Variants in TBL1X observed in about 807,000 individuals in gnomAD.
TBL1X encodes F-box-like/WD repeat-containing protein TBL1X.
In TBL1X, 10 loss-of-function variants were observed where a neutral mutation model predicts 50.7. That is an observed-to-expected ratio of 0.20 (90% CI 0.12 to 0.33). TBL1X has a LOEUF of 0.33. Ranked by LOEUF, TBL1X falls within the 10% of genes least tolerant of loss-of-function variation. The pLI is 1.00. For missense variants in TBL1X, 340 were observed against 504.4 expected, an observed-to-expected ratio of 0.67 and a Z score of 3.12; for synonymous variants, 190 against 214.7, an observed-to-expected ratio of 0.88 and a Z score of 1.01.
chrX:9,683,952 A>G (rs751210260), intron 5 of TBL1X, 91 bp from the exon 6 acceptor site: 6 of 1,164,128 alleles, frequency 5.2e-6, no homozygotes, highest in Non-Finnish European at 7.0e-6. Context: ...AGTGTGTTTG[A>G]AGTCTGCGGG....
intron 3 of TBL1X, among the ~76,000 whole-genome samples, chrX:9,650,424 T>G (rs1034470111): frequency 5.4e-5 from 6 of 111,963 alleles, no homozygotes; most frequent in African/African-American, 1.6e-4. Context: ...CTGGGGTGTT[T>G]GCCAGGTCCT....
chrX:9,631,348 G>A (rs754684803), intron 2 of TBL1X, among the ~76,000 whole-genome samples: 1 of 111,556 alleles, frequency 9.0e-6, no homozygotes, highest in Admixed American at 9.5e-5. Flanking sequence ...CAGCCTTTTC[G>A]CTGGAGTGGT....
chrX:9,468,197 T>G (rs1181433188), intron 1 of TBL1X, among the ~76,000 whole-genome samples: 1 of 111,692 alleles, frequency 9.0e-6, no homozygotes, highest in Non-Finnish European at 1.9e-5. Flanking sequence ...ATCAGAGAGA[T>G]TTGAGATGGG....
At chrX:9,600,672 G>A (rs149259897) in intron 2 of TBL1X, among the ~76,000 whole-genome samples, 1,220 of 111,263 alleles carry the variant, frequency 0.011, 21 homozygotes, top group African/African-American at 0.037. Context: ...TGCTTTTCCC[G>A]AGGCCCGGGG....
intron 2 of TBL1X, among the ~76,000 whole-genome samples, chrX:9,566,024 T>C (rs1414861734): frequency 8.9e-6 from 1 of 112,270 alleles, no homozygotes; most frequent in East Asian, 2.8e-4. Flanking sequence ...ATTTTGTACA[T>C]GTATTACTTT....
intron 1 of TBL1X, among the ~76,000 whole-genome samples, chrX:9,488,607 A>G (rs185186751): frequency 5.4e-4 from 61 of 112,019 alleles, no homozygotes; most frequent in African/African-American, 1.8e-3. Context: ...ATAAGGAAAC[A>G]TATTCTCAGG....
chrX:9,616,786 G>A (rs2082641411), intron 2 of TBL1X, among the ~76,000 whole-genome samples: 2 of 111,719 alleles, frequency 1.8e-5, no homozygotes, highest in South Asian at 7.6e-4. Flanking sequence ...TGTTTCCTCA[G>A]TGTATGGGTT....
chrX:9,489,023 T>G (rs2081928201), intron 1 of TBL1X, among the ~76,000 whole-genome samples: 1 of 111,203 alleles, frequency 9.0e-6, no homozygotes, highest in Admixed American at 9.6e-5. Flanking sequence ...AGGATTTGCT[T>G]TCCATTTTGG....
At chrX:9,661,138 A>G (rs2067432865) in intron 5 of TBL1X, among the ~76,000 whole-genome samples, 1 of 112,738 alleles carries the variant, frequency 8.9e-6, no homozygotes, top group Admixed American at 9.3e-5. Context: ...GCCCGAACAG[A>G]GTAAGATAAT....
At chrX:9,699,624 C>T (rs1426671907) in intron 12 of TBL1X, among the ~76,000 whole-genome samples, 1 of 111,551 alleles carries the variant, frequency 9.0e-6, no homozygotes, top group Non-Finnish European at 1.9e-5. Flanking sequence ...GGGAGGGCTC[C>T]AGGCAGGGGA....
At chrX:9,587,906 G>A (rs2082479482) in intron 2 of TBL1X, among the ~76,000 whole-genome samples, 1 of 103,614 alleles carries the variant, frequency 9.7e-6, no homozygotes, top group Admixed American at 1.1e-4. Flanking sequence ...CTGTCCTTCT[G>A]TGTCTGACTT....
At chrX:9,692,950 G>A (rs1030763103) in intron 9 of TBL1X, among the ~76,000 whole-genome samples, 199 bp from the exon 10 acceptor site, 1 of 112,562 alleles carries the variant, frequency 8.9e-6, no homozygotes, top group Non-Finnish European at 1.9e-5. Flanking sequence ...CACATGGGAT[G>A]CACACAGTTT....
chrX:9,688,630 T>G (rs1439587494), intron 7 of TBL1X, among the ~76,000 whole-genome samples: 1 of 112,768 alleles, frequency 8.9e-6, no homozygotes, highest in African/African-American at 3.2e-5. Context: ...TTGGCCAAAT[T>G]ATGGTATAAT....
chrX:9,585,335 T>TCCCCCCCCCC (rs1191158873), intron 2 of TBL1X, among the ~76,000 whole-genome samples: 3 of 53,418 alleles, frequency 5.6e-5, no homozygotes, highest in Admixed American at 2.2e-4. Flanking sequence ...GCCACCCCCC[T>TCCCCCCCCCC]CCCCTCCCCC....
At chrX:9,576,597 T>C (rs2082413207) in intron 2 of TBL1X, among the ~76,000 whole-genome samples, 1 of 109,565 alleles carries the variant, frequency 9.1e-6, no homozygotes, top group Non-Finnish European at 1.9e-5. Context: ...GACTTCCTGT[T>C]TAAAAAAATT....
At chrX:9,638,111 CAGCTT>C (rs1206811709) in intron 2 of TBL1X, among the ~76,000 whole-genome samples, 1 of 111,362 alleles carries the variant, frequency 9.0e-6, no homozygotes, top group Non-Finnish European at 1.9e-5. Flanking sequence ...TGTGTTGTGT[CAGCTT>C]AGAGAGCCCC....
intron 2 of TBL1X, among the ~76,000 whole-genome samples, chrX:9,520,389 G>A (rs1276387760): frequency 9.0e-6 from 1 of 111,422 alleles, no homozygotes; most frequent in Non-Finnish European, 1.9e-5. Context: ...TCTGGAGATA[G>A]GAATTGGAAA....
intron 5 of TBL1X, 79 bp from the exon 6 acceptor site, chrX:9,683,964 C>T: frequency 1.7e-6 from 2 of 1,187,946 alleles, no homozygotes; most frequent in Non-Finnish European, 2.3e-6. Flanking sequence ...GTCTGCGGGC[C>T]ACCTTCAGAT....
intron 2 of TBL1X, among the ~76,000 whole-genome samples, chrX:9,633,558 C>T (rs989316005): frequency 8.9e-6 from 1 of 111,782 alleles, no homozygotes; most frequent in African/African-American, 3.3e-5. Context: ...ACAGAACTGC[C>T]CTGCTTCTTG....
Sources: gnomAD v4.1 joint callset for allele counts (sites outside exome capture counted in the v4.1 genomes callset) on GRCh38, gnomAD v4.1.1 for gene constraint, MANE v1.5 for transcripts, NCBI Gene and HGNC (gene_info 2026-07-23, HGNC 2026-07-21) for gene names.